Variants in MAST4 observed in about 807,000 individuals in gnomAD.
MAST4 encodes microtubule-associated serine/threonine-protein kinase 4.
In MAST4, 89 loss-of-function variants were observed where a neutral mutation model predicts 162.7. The observed-to-expected ratio is 0.55, with a 90% CI of 0.46 to 0.65. MAST4 has a LOEUF of 0.65. Ranked by LOEUF, MAST4 falls within the 30% of genes least tolerant of loss-of-function variation. The pLI is 0.00. For synonymous variants in MAST4, 1,479 were observed against 1,361.1 expected, an observed-to-expected ratio of 1.09 and a Z score of -1.91; for missense variants, 3,153 against 3,374.0, an observed-to-expected ratio of 0.93 and a Z score of 1.62.
chr5:66,883,060 T>A (rs1761792845), intron 3 of MAST4, among the ~76,000 whole-genome samples: 2 of 152,160 alleles, frequency 1.3e-5, no homozygotes, highest in Admixed American at 1.3e-4. Context: ...TCATAAAATA[T>A]GCTAAGGACA....
At chr5:66,750,545 T>G (rs951840241) in intron 1 of MAST4, among the ~76,000 whole-genome samples, 4 of 152,138 alleles carry the variant, frequency 2.6e-5, no homozygotes, top group Admixed American at 2.6e-4. Flanking sequence ...GGACGCACCT[T>G]GAAAATCGGG....
At chr5:66,987,689 G>A (rs926775625) in intron 4 of MAST4, among the ~76,000 whole-genome samples, 17 of 151,900 alleles carry the variant, frequency 1.1e-4, no homozygotes, top group Admixed American at 4.6e-4. Context: ...ATTTCAAGCC[G>A]TACAGATCAT....
chr5:66,728,786 A>G (rs529233794), intron 1 of MAST4, among the ~76,000 whole-genome samples: 1 of 152,308 alleles, frequency 6.6e-6, no homozygotes, highest in South Asian at 2.1e-4. Context: ...TCCTTTGGAA[A>G]ACATGGCAAA....
chr5:66,824,513 C>T (rs757201049), intron 3 of MAST4, among the ~76,000 whole-genome samples: 8 of 152,234 alleles, frequency 5.3e-5, no homozygotes, highest in Non-Finnish European at 1.2e-4. Flanking sequence ...GGGAACTCCT[C>T]AAATGTTCCT....
At chr5:66,958,922 G>T in intron 4 of MAST4, 1 of 299,900 alleles carries the variant, frequency 3.3e-6, no homozygotes. Flanking sequence ...TTTCACTGAG[G>T]TGAAAAGTGG....
chr5:66,862,715 C>A (rs1355551978), intron 3 of MAST4, among the ~76,000 whole-genome samples: 1 of 152,170 alleles, frequency 6.6e-6, no homozygotes, highest in African/African-American at 2.4e-5. Context: ...TGAATTTACT[C>A]GTCTATAAAA....
At chr5:66,776,138 T>G (rs756135113) in intron 2 of MAST4, among the ~76,000 whole-genome samples, 4 of 152,242 alleles carry the variant, frequency 2.6e-5, no homozygotes, top group Non-Finnish European at 4.4e-5. Flanking sequence ...TGGAAGTTTC[T>G]GCATAGGTTG....
intron 3 of MAST4, among the ~76,000 whole-genome samples, chr5:66,820,179 T>TCCA (rs1756926158): frequency 6.6e-6 from 1 of 152,158 alleles, no homozygotes; most frequent in South Asian, 2.1e-4. Flanking sequence ...TCTGATGTAG[T>TCCA]AGCTATACTT....
At chr5:67,029,148 C>T (rs1755017708) in intron 4 of MAST4, among the ~76,000 whole-genome samples, 2 of 150,636 alleles carry the variant, frequency 1.3e-5, no homozygotes, top group African/African-American at 2.4e-5. Flanking sequence ...AAAAAAAAGT[C>T]ATATACATAA....
chr5:66,930,724 T>C (rs1206466039), intron 4 of MAST4: 1 of 470,826 alleles, frequency 2.1e-6, no homozygotes, highest in African/African-American at 2.0e-5. Context: ...TATACCATTC[T>C]ATCTGGGTTC....
At chr5:66,721,273 C>G (rs1262445275) in intron 1 of MAST4, among the ~76,000 whole-genome samples, 1 of 152,094 alleles carries the variant, frequency 6.6e-6, no homozygotes, top group African/African-American at 2.4e-5. Flanking sequence ...ATTCACCTCC[C>G]CCTGCTCTCT....
intron 4 of MAST4, among the ~76,000 whole-genome samples, chr5:67,011,512 G>A (rs750814793): frequency 6.6e-6 from 1 of 152,190 alleles, no homozygotes; most frequent in Non-Finnish European, 1.5e-5. Flanking sequence ...CTCTCACGTT[G>A]CTAATATTCC....
intron 10 of MAST4, 111 bp from the exon 11 acceptor site, chr5:67,109,987 T>C (rs1766038417): frequency 1.4e-6 from 1 of 726,662 alleles, no homozygotes; most frequent in East Asian, 2.6e-5. Context: ...ATTTTCTAAA[T>C]TACTCGATTT....
chr5:66,889,575 A>G (rs1762245120), intron 3 of MAST4, among the ~76,000 whole-genome samples: 3 of 152,208 alleles, frequency 2.0e-5, no homozygotes, highest in African/African-American at 7.2e-5. Context: ...ATGTATTCAC[A>G]GCCCTTTGCC....
intron 4 of MAST4, among the ~76,000 whole-genome samples, chr5:66,922,801 C>T (rs548871734): frequency 1.3e-5 from 2 of 152,208 alleles, no homozygotes; most frequent in East Asian, 3.9e-4. Flanking sequence ...TACTTAATGC[C>T]ATCCTGAGGT....
intron 3 of MAST4, among the ~76,000 whole-genome samples, chr5:66,805,786 G>A (rs912389737): frequency 2.6e-5 from 4 of 152,146 alleles, no homozygotes; most frequent in East Asian, 3.9e-4. Context: ...GCTGGACCTG[G>A]GTGGTGGCAG....
intron 1 of MAST4, among the ~76,000 whole-genome samples, chr5:66,695,592 G>C (rs985417009): frequency 6.6e-6 from 1 of 152,210 alleles, no homozygotes; most frequent in East Asian, 1.9e-4. Context: ...CATTGAATCT[G>C]TAAATTACTT....
intron 1 of MAST4, among the ~76,000 whole-genome samples, chr5:66,622,296 C>T (rs950090762): frequency 2.0e-5 from 3 of 151,800 alleles, no homozygotes; most frequent in South Asian, 2.1e-4. Context: ...CTGGAGAATT[C>T]GAAGAATGGT....
At chr5:67,043,568 C>T (rs577472760) in intron 4 of MAST4, among the ~76,000 whole-genome samples, 1 of 152,252 alleles carries the variant, frequency 6.6e-6, no homozygotes, top group East Asian at 1.9e-4. Flanking sequence ...TATCCCTGGC[C>T]ATTTGAAAAT....
Sources: gnomAD v4.1 joint callset for allele counts (sites outside exome capture counted in the v4.1 genomes callset) on GRCh38, gnomAD v4.1.1 for gene constraint, MANE v1.5 for transcripts, NCBI Gene and HGNC (gene_info 2026-07-23, HGNC 2026-07-21) for gene names.